MACROD2: variants seen among roughly 807,000 people sequenced by gnomAD.
The protein encoded by MACROD2 is ADP-ribose glycohydrolase MACROD2.
A neutral mutation model predicts 70.4 loss-of-function variants in MACROD2; 36 were observed. The observed-to-expected ratio is 0.51, with a 90% CI of 0.39 to 0.68. The LOEUF is 0.68. MACROD2 is among the 30% of genes least tolerant of loss of function. MACROD2 has a pLI of 0.00. For missense variants in MACROD2, 496 were observed against 538.4 expected, an observed-to-expected ratio of 0.92 and a Z score of 0.78; for synonymous variants, 172 against 178.8, an observed-to-expected ratio of 0.96 and a Z score of 0.30.
At chr20:14,487,751 T>A (rs899800163) in intron 3 of MACROD2, among the ~76,000 whole-genome samples, 3 of 152,192 alleles carry the variant, frequency 2.0e-5, no homozygotes, top group Non-Finnish European at 2.9e-5. Context: ...GGATTCATCG[T>A]ATGGATTTCC....
intron 10 of MACROD2, 33 bp downstream of exon 10, chr20:15,885,844 A>T: frequency 6.7e-7 from 1 of 1,490,350 alleles, no homozygotes; most frequent in African/African-American, 1.4e-5. Context: ...ATTAGGGGGT[A>T]GGTAGGGGTC....
chr20:15,272,175 T>C (rs2077351654), intron 6 of MACROD2, among the ~76,000 whole-genome samples: 4 of 152,314 alleles, frequency 2.6e-5, no homozygotes, highest in Middle Eastern at 6.8e-3. Flanking sequence ...AAAGGGAAAT[T>C]TGAAAATTGT....
At chr20:14,864,547 C>T (rs1344450285) in intron 5 of MACROD2, among the ~76,000 whole-genome samples, 1 of 152,076 alleles carries the variant, frequency 6.6e-6, no homozygotes, top group Non-Finnish European at 1.5e-5. Context: ...TCTATAAAAA[C>T]ATAGTTGTTA....
rs556817986 is a variant in MACROD2, at chr20:14,661,985, T to A, written c.302-22858T>A. Among the ~76,000 whole-genome samples, 5 of 152,226 alleles carry A rather than the reference T, an allele frequency of 3.3e-5. No homozygotes were observed. The South Asian group carries it at 1.0e-3, about 32-fold the overall frequency. ...TGTGAGAAACGGTTATTGCAATAAG[T>A]TCCAGAAATCATTATGGACTTCCAT... On this transcript the variant is annotated intron_variant, in intron 4 of 17. Coordinates refer to ENST00000684519, the MANE Select transcript of MACROD2 (RefSeq NM_001351661.2).
At chr20:15,012,559 C>G (rs919959553) in intron 5 of MACROD2, among the ~76,000 whole-genome samples, 1 of 152,134 alleles carries the variant, frequency 6.6e-6, no homozygotes, top group African/African-American at 2.4e-5. Context: ...AAGGAGTACA[C>G]TTTTAAAATG....
chr20:14,169,287 A>G (rs2081197597), intron 3 of MACROD2, among the ~76,000 whole-genome samples: 1 of 151,844 alleles, frequency 6.6e-6, no homozygotes, highest in Non-Finnish European at 1.5e-5. Context: ...TCCAATAAAA[A>G]CTTATCAATT....
intron 3 of MACROD2, among the ~76,000 whole-genome samples, chr20:14,163,481 G>A (rs1019569828): frequency 6.6e-6 from 1 of 151,942 alleles, no homozygotes; most frequent in Non-Finnish European, 1.5e-5. Flanking sequence ...CCTGAATCTG[G>A]ATGTCTAAAT....
At chr20:15,311,451 A>G (rs781372257) in intron 6 of MACROD2, among the ~76,000 whole-genome samples, 5 of 152,218 alleles carry the variant, frequency 3.3e-5, no homozygotes, top group Non-Finnish European at 7.3e-5. Flanking sequence ...CCGAAAGAAA[A>G]CAACTAGTTC....
intron 5 of MACROD2, among the ~76,000 whole-genome samples, chr20:14,892,518 G>T (rs2073775331): frequency 6.6e-6 from 1 of 152,106 alleles, no homozygotes; most frequent in Admixed American, 6.6e-5. Flanking sequence ...CATACCTGGA[G>T]AATTGTTTTT....
At chr20:14,060,710 G>A (rs1401111424) in intron 2 of MACROD2, among the ~76,000 whole-genome samples, 2 of 151,978 alleles carry the variant, frequency 1.3e-5, no homozygotes, top group Non-Finnish European at 2.9e-5. Flanking sequence ...ATTTCTCTTG[G>A]GTTATTGTGA....
chr20:15,285,268 T>C (rs1474559002), intron 6 of MACROD2, among the ~76,000 whole-genome samples: 1 of 152,216 alleles, frequency 6.6e-6, no homozygotes, highest in Non-Finnish European at 1.5e-5. Context: ...TTTTGTCTAA[T>C]AGAAATGTAA....
chr20:15,447,051 CGT>C (rs57914856), intron 7 of MACROD2, among the ~76,000 whole-genome samples: 28,019 of 146,404 alleles, frequency 0.19, 2,553 homozygotes, highest in Admixed American at 0.25. Flanking sequence ...TAAGAGTGTG[CGT>C]GTGTGTGTGT....
intron 5 of MACROD2, among the ~76,000 whole-genome samples, chr20:14,824,247 A>C (rs560092142): frequency 1.3e-5 from 2 of 152,212 alleles, no homozygotes; most frequent in South Asian, 4.1e-4. Context: ...TTGGCTAGTC[A>C]TGGTATTGCA....
chr20:14,077,948 G>C (rs982711008), intron 2 of MACROD2, among the ~76,000 whole-genome samples: 1 of 149,756 alleles, frequency 6.7e-6, no homozygotes, highest in Non-Finnish European at 1.5e-5. Context: ...TGTTTCCCAG[G>C]CTAGAGTGCA....
intron 5 of MACROD2, among the ~76,000 whole-genome samples, chr20:14,743,996 G>C (rs1017316950): frequency 6.6e-6 from 1 of 152,096 alleles, no homozygotes; most frequent in African/African-American, 2.4e-5. Flanking sequence ...AGCTGAAAAA[G>C]TCAAGGAAAT....
chr20:14,560,710 T>C (rs1220358895), intron 4 of MACROD2, among the ~76,000 whole-genome samples: 37 of 151,886 alleles, frequency 2.4e-4, no homozygotes, highest in Admixed American at 2.4e-3. Flanking sequence ...TTTATCATAT[T>C]TTACCTATCC....
At chr20:15,577,641 CCCTGCGTGCGTACAT>C (rs1345414665) in intron 8 of MACROD2, among the ~76,000 whole-genome samples, 1 of 145,172 alleles carries the variant, frequency 6.9e-6, no homozygotes, top group Non-Finnish European at 1.5e-5. Flanking sequence ...CGTGCGTACT[CCCTGCGTGCGTACAT>C]ATTTATGTGG....
At chr20:14,471,429 C>A (rs1252010118) in intron 3 of MACROD2, among the ~76,000 whole-genome samples, 4 of 152,102 alleles carry the variant, frequency 2.6e-5, no homozygotes, top group Non-Finnish European at 4.4e-5. Context: ...GCATTATGAG[C>A]CTTTTCTTAT....
intron 3 of MACROD2, among the ~76,000 whole-genome samples, chr20:14,300,954 G>T (rs2082469602): frequency 6.6e-6 from 1 of 152,202 alleles, no homozygotes; most frequent in Non-Finnish European, 1.5e-5. Flanking sequence ...AGGAAAAGCT[G>T]TGGCCGTCTT....
Sources: allele counts gnomAD v4.1 joint callset (sites outside exome capture counted in the v4.1 genomes callset), GRCh38; gene constraint gnomAD v4.1.1; transcripts MANE v1.5; gene names NCBI Gene and HGNC (gene_info 2026-07-23, HGNC 2026-07-21).